FHIT: variants seen among roughly 807,000 people sequenced by gnomAD.
FHIT encodes fragile histidine triad diadenosine triphosphatase.
Under a neutral mutation model 17.9 loss-of-function variants are expected in FHIT, and 19 were observed. The ratio of observed to expected loss-of-function variants is 1.06; its 90% confidence interval spans 0.74 to 1.56. The LOEUF is 1.56. FHIT is among the 40% of genes most tolerant of loss of function. The pLI, the probability that FHIT is intolerant of heterozygous loss-of-function variation, is 0.00. For missense variants in FHIT, 248 were observed against 189.2 expected (o/e 1.31, Z -1.82); for synonymous variants, 81 against 69.7 (o/e 1.16, Z -0.81).
chr3:60,224,005 T>C (rs1165145693), intron 5 of FHIT, among the ~76,000 whole-genome samples: 1 of 152,146 alleles, frequency 6.6e-6, no homozygotes, highest in Non-Finnish European at 1.5e-5. Context: ...TGAAACAAAC[T>C]TGTATGTTTC....
intron 3 of FHIT, among the ~76,000 whole-genome samples, chr3:60,929,282 C>T (rs555719834): frequency 5.8e-4 from 89 of 152,228 alleles, no homozygotes; most frequent in African/African-American, 1.0e-3. Context: ...ACTGGAAGCA[C>T]TCCCTTTGAA....
At chr3:60,839,858 GA>G (rs1266694524) in intron 3 of FHIT, among the ~76,000 whole-genome samples, 4 of 151,960 alleles carry the variant, frequency 2.6e-5, no homozygotes, top group African/African-American at 9.7e-5. Flanking sequence ...GAAAAACACA[GA>G]AAAAAATAAA....
chr3:60,401,933 CT>C (rs1701674047), intron 5 of FHIT, among the ~76,000 whole-genome samples: 1 of 152,110 alleles, frequency 6.6e-6, no homozygotes, highest in South Asian at 2.1e-4. Context: ...TCTCTGAAGC[CT>C]TTCATTTCAT....
At chr3:60,545,403 T>C (rs879700883) in intron 4 of FHIT, among the ~76,000 whole-genome samples, 1 of 152,218 alleles carries the variant, frequency 6.6e-6, no homozygotes, top group Non-Finnish European at 1.5e-5. Context: ...ATTGTTTCTT[T>C]GGATTTACTA....
intron 8 of FHIT, among the ~76,000 whole-genome samples, chr3:59,837,136 A>G (rs1479609268): frequency 6.6e-6 from 1 of 152,164 alleles, no homozygotes; most frequent in Non-Finnish European, 1.5e-5. Context: ...ACATTATTCT[A>G]TTATCTAAAA....
intron 1 of FHIT, among the ~76,000 whole-genome samples, chr3:61,213,458 A>G (rs2039558650): frequency 6.6e-6 from 1 of 152,256 alleles, no homozygotes; most frequent in Middle Eastern, 3.2e-3. Flanking sequence ...AGAGCTAACT[A>G]TCCTAAATAT....
intron 5 of FHIT, among the ~76,000 whole-genome samples, chr3:60,210,960 C>T (rs550299937): frequency 6.7e-6 from 1 of 150,330 alleles, no homozygotes; most frequent in South Asian, 2.1e-4. Flanking sequence ...CAATTCACTG[C>T]AGCATTATTT....
At chr3:61,247,505 T>C (rs1026303874) in intron 1 of FHIT, among the ~76,000 whole-genome samples, 7 of 152,162 alleles carry the variant, frequency 4.6e-5, no homozygotes, top group Non-Finnish European at 5.9e-5. Flanking sequence ...GGATTTAATA[T>C]ATAGGTGGAA....
chr3:59,879,335 A>G (rs780912312), intron 8 of FHIT, among the ~76,000 whole-genome samples: 1 of 152,226 alleles, frequency 6.6e-6, no homozygotes, highest in Non-Finnish European at 1.5e-5. Flanking sequence ...GGATACATTG[A>G]TATTTCTCAA....
At chr3:60,851,359 G>C (rs1263077792) in intron 3 of FHIT, among the ~76,000 whole-genome samples, 1 of 151,988 alleles carries the variant, frequency 6.6e-6, no homozygotes, top group Non-Finnish European at 1.5e-5. Context: ...GAATTTACTA[G>C]GCATATATTT....
chr3:60,308,990 T>G (rs1489314903), intron 5 of FHIT, among the ~76,000 whole-genome samples: 2 of 152,008 alleles, frequency 1.3e-5, no homozygotes, highest in African/African-American at 4.8e-5. Flanking sequence ...AGTACGAAAA[T>G]GGAGTTTTTA....
chr3:60,213,897 A>G (rs536073946), intron 5 of FHIT, among the ~76,000 whole-genome samples: 17 of 152,284 alleles, frequency 1.1e-4, no homozygotes, highest in East Asian at 3.9e-4. Flanking sequence ...TACATCTCCT[A>G]TCTCTAAGTC....
intron 5 of FHIT, among the ~76,000 whole-genome samples, chr3:60,365,823 T>C (rs1700084680): frequency 6.6e-6 from 1 of 152,202 alleles, no homozygotes; most frequent in Non-Finnish European, 1.5e-5. Flanking sequence ...AGCTCTCAAT[T>C]GATTTCATTA....
intron 5 of FHIT, among the ~76,000 whole-genome samples, chr3:60,124,046 A>AGG (rs1441268909): frequency 8.2e-6 from 1 of 122,430 alleles, no homozygotes; most frequent in African/African-American, 3.1e-5. Context: ...AGAGAGAGAG[A>AGG]GAGAGAGAGA....
intron 4 of FHIT, among the ~76,000 whole-genome samples, chr3:60,638,693 G>A (rs1358055791): frequency 4.6e-5 from 7 of 151,874 alleles, no homozygotes; most frequent in African/African-American, 1.5e-4. Flanking sequence ...ATATATTAAT[G>A]TTACTATCAT....
At chr3:60,150,382 GC>G (rs1395915012) in intron 5 of FHIT, among the ~76,000 whole-genome samples, 2 of 152,036 alleles carry the variant, frequency 1.3e-5, no homozygotes, top group East Asian at 3.9e-4. Flanking sequence ...AATCACTGTT[GC>G]CCCTACCCTA....
chr3:60,778,922 G>C (rs781847860), intron 4 of FHIT, among the ~76,000 whole-genome samples: 5 of 152,178 alleles, frequency 3.3e-5, no homozygotes, highest in African/African-American at 1.2e-4. Flanking sequence ...GGTCAGTAAA[G>C]AATGTCACTT....
chr3:60,582,299 T>C (rs756230713), intron 4 of FHIT, among the ~76,000 whole-genome samples: 1 of 152,072 alleles, frequency 6.6e-6, no homozygotes, highest in Non-Finnish European at 1.5e-5. Context: ...AAGGCATGAA[T>C]GTCTAATTGA....
intron 4 of FHIT, among the ~76,000 whole-genome samples, chr3:60,694,496 G>C (rs1255240395): frequency 6.6e-6 from 1 of 152,198 alleles, no homozygotes; most frequent in Non-Finnish European, 1.5e-5. Context: ...CATTGTGGAA[G>C]TCAGTGTGGC....
Sources: gnomAD v4.1 joint callset for allele counts (sites outside exome capture counted in the v4.1 genomes callset) on GRCh38, gnomAD v4.1.1 for gene constraint, MANE v1.5 for transcripts, NCBI Gene and HGNC (gene_info 2026-07-23, HGNC 2026-07-21) for gene names.